ADGRL3: variants seen among roughly 807,000 people sequenced by gnomAD.
ADGRL3 encodes the protein calcium-independent alpha-latrotoxin receptor 3.
ADGRL3 carries 62 observed loss-of-function variants against 153.5 expected under a neutral mutation model. That is an observed-to-expected ratio of 0.40 (90% CI 0.33 to 0.50). The LOEUF is 0.50. Among genes scored for constraint, ADGRL3 ranks in the 20% least tolerant of loss-of-function variants. The probability of loss-of-function intolerance (pLI) is 0.47; values close to 1 mark genes in which losing one functional copy is unlikely to be tolerated. For synonymous variants in ADGRL3, 710 were observed against 672.5 expected, an observed-to-expected ratio of 1.06 and a Z score of -0.86; for missense variants, 1,641 against 1,859.4, an observed-to-expected ratio of 0.88 and a Z score of 2.16.
chr4:61,350,343 GT>G (rs34524532), intron 1 of ADGRL3, among the ~76,000 whole-genome samples: 1,463 of 127,806 alleles, frequency 0.011, 9 homozygotes, highest in African/African-American at 0.024. Context: ...TCTGATGGAG[GT>G]TTTTTTTTTT....
intron 4 of ADGRL3, among the ~76,000 whole-genome samples, chr4:61,567,493 G>A (rs2098821141): frequency 6.6e-6 from 1 of 152,126 alleles, no homozygotes; most frequent in African/African-American, 2.4e-5. Flanking sequence ...CCTTTACCAC[G>A]TGAGGTCACA....
At chr4:61,735,096 C>T (rs2096491722) in intron 8 of ADGRL3, among the ~76,000 whole-genome samples, 1 of 152,114 alleles carries the variant, frequency 6.6e-6, no homozygotes, top group Non-Finnish European at 1.5e-5. Flanking sequence ...TGGCCAATGG[C>T]CTTGTCTTAC....
intron 1 of ADGRL3, among the ~76,000 whole-genome samples, chr4:61,370,036 T>C (rs1243703084): frequency 6.6e-6 from 1 of 152,116 alleles, no homozygotes; most frequent in Admixed American, 6.5e-5. Flanking sequence ...TGTAGTATTC[T>C]CTGATGGTAG....
chr4:61,999,347 A>G (rs1021558644), intron 21 of ADGRL3, among the ~76,000 whole-genome samples: 1 of 152,246 alleles, frequency 6.6e-6, no homozygotes, highest in Non-Finnish European at 1.5e-5. Flanking sequence ...CACAGGCAAA[A>G]AAAGTAGCTA....
chr4:61,651,163 G>A (rs1381171963), intron 5 of ADGRL3, among the ~76,000 whole-genome samples: 1 of 152,068 alleles, frequency 6.6e-6, no homozygotes, highest in Non-Finnish European at 1.5e-5. Flanking sequence ...TATGAGAAAA[G>A]CATAGAAATC....
chr4:61,465,582 T>C (rs1175054889), intron 2 of ADGRL3, among the ~76,000 whole-genome samples: 2 of 151,334 alleles, frequency 1.3e-5, no homozygotes, highest in Non-Finnish European at 2.9e-5. Context: ...ATTTTTTAAA[T>C]TAAATGTTAA....
chr4:61,496,973 A>C (rs1225131311), intron 2 of ADGRL3, 148 bp from the exon 3 acceptor site: 3 of 229,514 alleles, frequency 1.3e-5, no homozygotes, highest in Admixed American at 5.9e-5. Flanking sequence ...TATTTCAGTT[A>C]ATTTGCTCAG....
In ADGRL3 at chr4:61,552,618, C is replaced by T. The variant is rs111987269; in HGVS notation, c.260-34609C>T. On this transcript the variant is annotated intron_variant, in intron 4 of 26. Coordinates refer to ENST00000683033, the MANE Select transcript of ADGRL3 (RefSeq NM_001387552.1). ...AGCTGACATCAGGGGTGTGTGCCAC[C>T]ATGCTTGGCTAATTTTTTATTTATT... 1.4e-3 allele frequency among the ~76,000 whole-genome samples: 219 copies of T among 152,136 alleles called. 1 individual carries two copies. Among genetic ancestry groups the T allele is most frequent in the African/African-American group, 5.0e-3 (208 of 41,518 alleles).
chr4:61,388,982 A>G (rs563456686), intron 2 of ADGRL3, among the ~76,000 whole-genome samples: 1 of 152,170 alleles, frequency 6.6e-6, no homozygotes, highest in East Asian at 1.9e-4. Flanking sequence ...AAATTTGTTT[A>G]TTGCCTCCTT....
chr4:61,861,590 CATTTT>C (rs1371298171), intron 9 of ADGRL3, among the ~76,000 whole-genome samples: 1 of 151,852 alleles, frequency 6.6e-6, no homozygotes, highest in Non-Finnish European at 1.5e-5. Context: ...CATAAACTAT[CATTTT>C]ATACTGCTCA....
At chr4:61,382,503 A>T (rs1427117635) in intron 1 of ADGRL3, among the ~76,000 whole-genome samples, 1 of 151,830 alleles carries the variant, frequency 6.6e-6, no homozygotes, top group East Asian at 1.9e-4. Flanking sequence ...AAATTAAAAA[A>T]TTATGGTAAT....
chr4:61,582,419 A>G (rs1482574525), intron 4 of ADGRL3, among the ~76,000 whole-genome samples: 2 of 151,880 alleles, frequency 1.3e-5, no homozygotes, highest in Non-Finnish European at 2.9e-5. Flanking sequence ...GCTCCCACTT[A>G]TAAGTGAAAA....
intron 8 of ADGRL3, among the ~76,000 whole-genome samples, chr4:61,751,482 G>A (rs2096756036): frequency 6.6e-6 from 1 of 152,030 alleles, no homozygotes; most frequent in African/African-American, 2.4e-5. Context: ...TGTAGATTTG[G>A]GCCCAATTCT....
rs1159303501 is a variant in ADGRL3, at chr4:61,479,467, CA to C, written c.-173-17652del. 2.0e-5 allele frequency among the ~76,000 whole-genome samples: 3 copies of C among 151,980 alleles called. No homozygotes were observed. The South Asian group carries it at 6.2e-4, about 31-fold the overall frequency. On this transcript the variant is annotated intron_variant, in intron 2 of 26. Transcript: ENST00000683033. ...CCTTCCTTAGATCTATAAAAGTACC[CA>C]ATATAGGGTCTCTGCCCACTGATAG...
At chr4:61,272,375 C>CT (rs1304953923) in intron 1 of ADGRL3, among the ~76,000 whole-genome samples, 1 of 151,776 alleles carries the variant, frequency 6.6e-6, no homozygotes, top group Non-Finnish European at 1.5e-5. Flanking sequence ...TAATATCTTA[C>CT]TTTTTTCAAG....
chr4:62,051,853 C>G (rs1483530877), intron 25 of ADGRL3, among the ~76,000 whole-genome samples: 1 of 151,624 alleles, frequency 6.6e-6, no homozygotes, highest in South Asian at 2.1e-4. Context: ...CCACTTAGCT[C>G]TAAAATATTA....
At chr4:61,759,927 G>A (rs1013926734) in intron 8 of ADGRL3, among the ~76,000 whole-genome samples, 5 of 152,118 alleles carry the variant, frequency 3.3e-5, no homozygotes, top group Admixed American at 6.6e-5. Flanking sequence ...GGAGTTTGCC[G>A]GAGGTCTGCT....
In ADGRL3 at chr4:61,516,713, C is replaced by T. The variant is rs531461635; in HGVS notation, c.56-602C>T. ...TGTGTGTATATCCTTTTCACCTTAA[C>T]GTCCAGCACAGATCTTAAAACAGCA... On this transcript the variant is annotated intron_variant, in intron 3 of 26. Transcript: ENST00000683033. Among the ~76,000 whole-genome samples, 34 of 152,078 alleles carry T rather than the reference C, an allele frequency of 2.2e-4. No homozygotes were observed. In the South Asian group the frequency reaches 2.5e-3, roughly 11 times the overall value.
intron 2 of ADGRL3, among the ~76,000 whole-genome samples, chr4:61,389,714 C>T (rs67011959): frequency 0.058 from 8,832 of 152,220 alleles, 309 homozygotes; most frequent in South Asian, 0.16. Context: ...GGTAAAAGCA[C>T]ATTAATTATT....
Sources: allele counts gnomAD v4.1 joint callset (sites outside exome capture counted in the v4.1 genomes callset), GRCh38; gene constraint gnomAD v4.1.1; transcripts MANE v1.5; gene names NCBI Gene and HGNC (gene_info 2026-07-23, HGNC 2026-07-21).